FGD5: variants seen among roughly 807,000 people sequenced by gnomAD.
The protein encoded by FGD5 is FYVE, RhoGEF and PH domain-containing protein 5.
Under a neutral mutation model 133.4 loss-of-function variants are expected in FGD5, and 28 were observed. The observed-to-expected ratio is 0.21, with a 90% CI of 0.16 to 0.29. FGD5 has a LOEUF of 0.29. FGD5 is among the 10% of genes least tolerant of loss of function. The pLI is 1.00. For synonymous variants in FGD5, 810 were observed against 776.5 expected (o/e 1.04, Z -0.72); for missense variants, 1,858 against 1,895.2 (o/e 0.98, Z 0.36).
chr3:14,820,196 G>A lies in FGD5; in HGVS notation c.1125G>A (p.Glu375=), dbSNP rs2036455627. The change falls in exon 1 of 20, where the codon GAG becomes GAA. Residue 375 remains glutamate (E), a synonymous_variant. Transcript: ENST00000285046. ...AATCAGCGAAAGGTTTAGAATCAGAGCAGGCACCAAAGCTGGGGCTGCGTG... is the reference window on the plus strand; with the variant it reads ...AATCAGCGAAAGGTTTAGAATCAGAACAGGCACCAAAGCTGGGGCTGCGTG... ...LSESAKGLES[E]QAPKLGLRAE... The A allele has an allele frequency of 6.2e-7, 1 of 1,612,736 alleles. No individual in the cohort carries two copies. The highest frequency in any genetic ancestry group is 1.7e-5 in the Admixed American group (1 of 59,944).
At chr3:14,888,648 T>C (rs1279215315) in intron 4 of FGD5, among the ~76,000 whole-genome samples, 2 of 152,254 alleles carry the variant, frequency 1.3e-5, no homozygotes, top group African/African-American at 4.8e-5. Flanking sequence ...CCCTTCAGGC[T>C]CTGACCCCAA....
intron 18 of FGD5, among the ~76,000 whole-genome samples, chr3:14,930,275 T>A (rs1427830732): frequency 6.6e-6 from 1 of 152,216 alleles, no homozygotes; most frequent in East Asian, 1.9e-4. Flanking sequence ...GAAGTCAGGT[T>A]GTGTAAGTCC....
At chr3:14,902,197 G>T (rs922448536) in intron 9 of FGD5, among the ~76,000 whole-genome samples, 1 of 151,444 alleles carries the variant, frequency 6.6e-6, no homozygotes, top group African/African-American at 2.4e-5. Flanking sequence ...CTAGAGAATC[G>T]CTTGAACCTG....
chr3:14,913,186 TC>T lies in FGD5; in HGVS notation c.3405+2263del, dbSNP rs202091978. Among the ~76,000 whole-genome samples, 1,437 of 152,004 alleles carry T rather than the reference TC, an allele frequency of 9.5e-3. 22 individuals are homozygous for T. The highest frequency in any genetic ancestry group is 0.033 in the African/African-American group (1,348 of 41,430). On this transcript the variant is annotated intron_variant, in intron 11 of 19. Transcript: ENST00000285046. ...CACAGACATGTGCGAGCCTCAAGTC[TC>T]CCCCCAGGAAAGTGGAAAGACTGGG... is the stretch of plus-strand genomic sequence containing the variant.
intron 18 of FGD5, among the ~76,000 whole-genome samples, chr3:14,929,935 G>A (rs1424332954): frequency 6.6e-6 from 1 of 152,112 alleles, no homozygotes; most frequent in Admixed American, 6.5e-5. Flanking sequence ...TTTTGTCTAC[G>A]CAAGCTACAA....
intron 11 of FGD5, among the ~76,000 whole-genome samples, chr3:14,912,326 C>T (rs559014827): frequency 1.3e-5 from 2 of 152,320 alleles, no homozygotes; most frequent in African/African-American, 4.8e-5. Context: ...TCCCTTCCCT[C>T]CCTCCTAAGA....
rs577546084 is a variant in FGD5, at chr3:14,876,012, C to T, written c.2659-4560C>T. On this transcript the variant is annotated intron_variant, in intron 2 of 19. Transcript: ENST00000285046. The stretch of plus-strand genomic sequence containing the variant: ...AGAGGTGGCTGTTAACATCAGGCTG[C>T]GCCATCTTAAAGGCCGAGCAGGTGT... Among the ~76,000 whole-genome samples the T allele has an allele frequency of 4.9e-4, 75 of 152,198 alleles. 3 individuals are homozygous for T. In the South Asian group the frequency reaches 0.013, roughly 26 times the overall value.
intron 1 of FGD5, among the ~76,000 whole-genome samples, chr3:14,823,893 A>G (rs2036553583): frequency 6.6e-6 from 1 of 152,246 alleles, no homozygotes. Context: ...CCGGACAGTT[A>G]TGACAATAGG....
intron 4 of FGD5, among the ~76,000 whole-genome samples, chr3:14,896,201 A>T (rs2038134802): frequency 6.6e-6 from 1 of 152,232 alleles, no homozygotes; most frequent in Non-Finnish European, 1.5e-5. Flanking sequence ...TGCTAAAATG[A>T]CAATACTACC....
intron 1 of FGD5, among the ~76,000 whole-genome samples, chr3:14,852,619 C>A (rs376433960): frequency 6.6e-6 from 1 of 152,182 alleles, no homozygotes; most frequent in African/African-American, 2.4e-5. Flanking sequence ...AGAAAGCAAA[C>A]CCCTCTGAAA....
intron 2 of FGD5, among the ~76,000 whole-genome samples, chr3:14,868,244 C>T (rs1051394458): frequency 6.6e-6 from 1 of 152,142 alleles, no homozygotes; most frequent in Non-Finnish European, 1.5e-5. Context: ...CGAGACCAGC[C>T]CAGTAGCCAG....
intron 1 of FGD5, among the ~76,000 whole-genome samples, chr3:14,848,575 C>T (rs1377568081): frequency 1.3e-5 from 2 of 152,150 alleles, no homozygotes; most frequent in Non-Finnish European, 2.9e-5. Context: ...CCACAAAAAG[C>T]TTCCTTAAGA....
intron 9 of FGD5, among the ~76,000 whole-genome samples, chr3:14,903,354 T>TTTATTATTATTA (rs529647828): frequency 2.0e-5 from 3 of 151,470 alleles, no homozygotes; most frequent in African/African-American, 7.3e-5. Flanking sequence ...TATGAACATC[T>TTTATTATTATTA]TTATTATTAT....
In FGD5 at chr3:14,879,094, G is replaced by A. The variant is rs80281445; in HGVS notation, c.2659-1478G>A. 5.5e-4 allele frequency among the ~76,000 whole-genome samples: 84 copies of A among 152,334 alleles called. 1 individual carries two copies. The highest frequency in any genetic ancestry group is 1.9e-3 in the African/African-American group (81 of 41,584). ...CACTAGAGTGGATCACTCACTTGAC[G>A]AGTGGCTTCTTAAGTTTAGTAACAC... On this transcript the variant is annotated intron_variant, in intron 2 of 19. Transcript: ENST00000285046.
chr3:14,924,502 A>G (rs1397312048), intron 17 of FGD5, among the ~76,000 whole-genome samples: 5 of 151,876 alleles, frequency 3.3e-5, no homozygotes, highest in South Asian at 4.2e-4. Flanking sequence ...AGGGGTCCCA[A>G]CCCGGCTCAG....
intron 2 of FGD5, among the ~76,000 whole-genome samples, chr3:14,865,061 G>T (rs960448761): frequency 1.3e-5 from 2 of 152,202 alleles, no homozygotes; most frequent in Non-Finnish European, 2.9e-5. Flanking sequence ...CATTTGTTCT[G>T]CGGGGGACAC....
chr3:14,818,332 C>T (rs2036410463), upstream of FGD5, among the ~76,000 whole-genome samples: 1 of 152,224 alleles, frequency 6.6e-6, no homozygotes, highest in South Asian at 2.1e-4. Flanking sequence ...ACACATCACT[C>T]TTTCAAACCT....
intron 2 of FGD5, among the ~76,000 whole-genome samples, chr3:14,865,884 G>C (rs1334664459): frequency 6.6e-6 from 1 of 152,184 alleles, no homozygotes; most frequent in Non-Finnish European, 1.5e-5. Flanking sequence ...GAGAAGGGAG[G>C]AGAGCCTTGA....
chr3:14,920,769 C>G (rs184658634), intron 13 of FGD5, among the ~76,000 whole-genome samples: 13 of 152,304 alleles, frequency 8.5e-5, no homozygotes, highest in Non-Finnish European at 1.5e-4. Context: ...TTGAGGCTTG[C>G]AAAAGGGTCA....
Sources: gnomAD v4.1 joint callset for allele counts (sites outside exome capture counted in the v4.1 genomes callset) on GRCh38, gnomAD v4.1.1 for gene constraint, MANE v1.5 for transcripts, NCBI Gene and HGNC (gene_info 2026-07-23, HGNC 2026-07-21) for gene names.